PTPRG: variants seen among roughly 807,000 people sequenced by gnomAD.
PTPRG encodes the protein protein tyrosine phosphatase receptor type G, also known as receptor-type tyrosine-protein phosphatase gamma.
In PTPRG, 102 loss-of-function variants were observed where a neutral mutation model predicts 165.3. The observed-to-expected ratio is 0.62, with a 90% CI of 0.53 to 0.73. The LOEUF (loss-of-function observed/expected upper bound fraction) is 0.73, where lower values mean the gene tolerates loss of function less well. Among genes scored for constraint, PTPRG ranks in the 30% least tolerant of loss-of-function variants. PTPRG has a pLI of 0.00. For missense variants in PTPRG, 1,866 were observed against 1,861.4 expected (o/e 1.00, Z -0.05); for synonymous variants, 675 against 669.5 (o/e 1.01, Z -0.13).
rs755543733 is a variant in PTPRG, at chr3:62,203,911, C to A, written c.2116C>A (p.Arg706=). The change falls in exon 12 of 30, where the codon CGA becomes AGA. Residue 706 remains arginine, a synonymous_variant. Coordinates refer to ENST00000474889, the MANE Select transcript of PTPRG (RefSeq NM_002841.4). The surrounding 1 kb of genome is among the most constrained non-coding windows in gnomAD (Gnocchi z 6.4). ...PSKKPMSRGD[R]FSEDSRFITV... Reference sequence around the variant, plus strand: ...TAAAAAGCCTATGTCCCGCGGGGACCGATTTTCTGAAGACAGCAGATTTAT... The same window carrying A: ...TAAAAAGCCTATGTCCCGCGGGGACAGATTTTCTGAAGACAGCAGATTTAT... 4 of 1,597,362 alleles carry A rather than the reference C, an allele frequency of 2.5e-6. No homozygotes were observed. The highest frequency in any genetic ancestry group is 3.4e-6 in the Non-Finnish European group (4 of 1,170,776).
intron 2 of PTPRG, among the ~76,000 whole-genome samples, chr3:61,978,312 A>T (rs2040556277): frequency 6.6e-6 from 1 of 151,634 alleles, no homozygotes; most frequent in Admixed American, 6.6e-5. Context: ...ATTGTATTTG[A>T]TTTTATCAGT....
Position 62,203,212 on chromosome 3 carries a change from A to G in PTPRG, c.1417A>G (p.Ile473Val), listed in dbSNP as rs1328473195. The part of the protein sequence containing the change: ...SPASSADMAP[I>V]SSGSSTWTSS... ...TGCCTCTTCAGCCGACATGGCCCCCATCAGCTCGGGGTCTTCTACCTGGAC... is the reference window on the plus strand; with the variant it reads ...TGCCTCTTCAGCCGACATGGCCCCCGTCAGCTCGGGGTCTTCTACCTGGAC... The change falls in exon 12 of 30, where the codon ATC becomes GTC. Residue 473 changes from isoleucine to valine, a missense_variant. By Grantham distance (29) the Ile-to-Val change is conservative (BLOSUM62 3). Coordinates refer to ENST00000474889, the MANE Select transcript of PTPRG (RefSeq NM_002841.4). The surrounding 1 kb of genome is among the most constrained non-coding windows in gnomAD (Gnocchi z 6.4). The G allele has an allele frequency of 1.2e-6, 2 of 1,608,942 alleles. No individual in the cohort carries two copies. Among genetic ancestry groups the G allele is most frequent in the South Asian group, 1.1e-5 (1 of 90,658 alleles).
intron 5 of PTPRG, among the ~76,000 whole-genome samples, chr3:62,080,410 T>C (rs1413848375): frequency 1.3e-5 from 2 of 152,042 alleles, no homozygotes; most frequent in African/African-American, 4.8e-5. Flanking sequence ...GGTTTGTGTT[T>C]GGTAGAACTG....
intron 16 of PTPRG, chr3:62,261,780 TCC>T: frequency 0.019 from 1 of 54 alleles, no homozygotes; most frequent in East Asian, 0.12. Flanking sequence ...AGTGTACTTC[TCC>T]CTGGGGAAGT....
At chr3:62,141,526 G>C (rs1703925599) in intron 6 of PTPRG, among the ~76,000 whole-genome samples, 2 of 152,144 alleles carry the variant, frequency 1.3e-5, no homozygotes, top group African/African-American at 2.4e-5. Flanking sequence ...CTTGAGCCCA[G>C]GAGGCAGAGG....
chr3:61,876,638 G>T (rs2037746710), intron 2 of PTPRG, among the ~76,000 whole-genome samples: 1 of 152,162 alleles, frequency 6.6e-6, no homozygotes, highest in Non-Finnish European at 1.5e-5. Flanking sequence ...GCTGGGCGTG[G>T]TGGCTCACAT....
rs549353092 is a variant in PTPRG at position 61,623,905 on chromosome 3, G to A, written c.85+61533G>A. Among the ~76,000 whole-genome samples the A allele has an allele frequency of 1.1e-4, 16 of 152,264 alleles. No individual in the cohort carries two copies. In the South Asian group the frequency reaches 3.1e-3, roughly 30 times the overall value. On this transcript the variant is annotated intron_variant, in intron 1 of 29. Coordinates refer to ENST00000474889, the MANE Select transcript of PTPRG (RefSeq NM_002841.4). Reference sequence around the variant, plus strand: ...GTCTATTTCTAAATTTTACTGCCAAGCACCAAATACAGCCGCTGGTGTTTA... The same window carrying A: ...GTCTATTTCTAAATTTTACTGCCAAACACCAAATACAGCCGCTGGTGTTTA...
intron 2 of PTPRG, among the ~76,000 whole-genome samples, chr3:61,842,125 A>G (rs1016940559): frequency 6.6e-6 from 1 of 152,208 alleles, no homozygotes; most frequent in Admixed American, 6.5e-5. Context: ...GAACAGGACA[A>G]GAGATAAATG....
chr3:61,879,935 AAC>A (rs1431010648), intron 2 of PTPRG, among the ~76,000 whole-genome samples: 37 of 152,316 alleles, frequency 2.4e-4, no homozygotes, highest in African/African-American at 7.7e-4. Context: ...GAATGTCAAA[AAC>A]TGAACCAAGG....
At chr3:62,056,063 C>G (rs78108412) in intron 4 of PTPRG, among the ~76,000 whole-genome samples, 3,107 of 152,320 alleles carry the variant, frequency 0.02, 147 homozygotes, top group South Asian at 0.18. Context: ...GCCCAAGGCT[C>G]TAACAACTGT....
chr3:61,775,228 A>C (rs952211700), intron 2 of PTPRG, among the ~76,000 whole-genome samples: 1 of 151,846 alleles, frequency 6.6e-6, no homozygotes, highest in Non-Finnish European at 1.5e-5. Context: ...TTGCCACCAC[A>C]CCGGGATACT....
intron 2 of PTPRG, among the ~76,000 whole-genome samples, chr3:61,824,422 T>C (rs1411683318): frequency 2.0e-5 from 3 of 152,334 alleles, no homozygotes; most frequent in South Asian, 2.1e-4. Context: ...GATAGGTGGA[T>C]GGAAGAAAAA....
intron 1 of PTPRG, among the ~76,000 whole-genome samples, chr3:61,650,655 C>T (rs936268129): frequency 1.3e-5 from 2 of 152,206 alleles, no homozygotes; most frequent in African/African-American, 4.8e-5. Flanking sequence ...TTTCCTAACA[C>T]TAGTGTGAAG....
intron 1 of PTPRG, among the ~76,000 whole-genome samples, chr3:61,724,882 A>G (rs907199355): frequency 1.3e-5 from 2 of 152,104 alleles, no homozygotes; most frequent in Non-Finnish European, 2.9e-5. Flanking sequence ...TGCAAACCCC[A>G]TCAGATATGT....
At chr3:62,001,743 T>A (rs11920244) in intron 3 of PTPRG, among the ~76,000 whole-genome samples, 1,903 of 152,306 alleles carry the variant, frequency 0.012, 37 homozygotes, top group African/African-American at 0.042. Context: ...CATGACACGT[T>A]GAAAATTTTG....
chr3:61,683,243 A>T (rs1285611450), intron 1 of PTPRG, among the ~76,000 whole-genome samples: 2 of 152,234 alleles, frequency 1.3e-5, no homozygotes, highest in Non-Finnish European at 2.9e-5. Context: ...TGGGCTGATA[A>T]TTGACGGCAG....
At chr3:61,858,173 T>C (rs1224157084) in intron 2 of PTPRG, among the ~76,000 whole-genome samples, 1 of 152,210 alleles carries the variant, frequency 6.6e-6, no homozygotes, top group Non-Finnish European at 1.5e-5. Flanking sequence ...TATTATCTTT[T>C]GTAAGGCAGT....
intron 1 of PTPRG, among the ~76,000 whole-genome samples, chr3:61,627,620 A>G (rs1324720510): frequency 1.3e-5 from 2 of 152,108 alleles, no homozygotes; most frequent in African/African-American, 4.8e-5. Context: ...TTAATGACCC[A>G]TTTTCCTTTA....
chr3:62,149,202 G>C (rs115922159), intron 6 of PTPRG, among the ~76,000 whole-genome samples: 2,882 of 151,676 alleles, frequency 0.019, 52 homozygotes, highest in South Asian at 0.045. Flanking sequence ...CTGCTATAGA[G>C]AGCAAGTATT....
Sources: allele counts gnomAD v4.1 joint callset (sites outside exome capture counted in the v4.1 genomes callset), GRCh38; gene constraint gnomAD v4.1.1; non-coding constraint Gnocchi (gnomAD v3.1); transcripts MANE v1.5; gene names NCBI Gene and HGNC (gene_info 2026-07-23, HGNC 2026-07-21).